Variants in NFKB1 observed in about 807,000 individuals in gnomAD.
The protein encoded by NFKB1 is nuclear factor NF-kappa-B p105 subunit.
NFKB1 carries 9 observed loss-of-function variants against 105.1 expected under a neutral mutation model. That is an observed-to-expected ratio of 0.09 (90% CI 0.05 to 0.15). The LOEUF (loss-of-function observed/expected upper bound fraction) is 0.15, where lower values mean the gene tolerates loss of function less well. Among genes scored for constraint, NFKB1 ranks in the 10% least tolerant of loss-of-function variants. NFKB1 has a pLI of 1.00. For synonymous variants in NFKB1, 440 were observed against 442.2 expected (o/e 1.00, Z 0.06); for missense variants, 830 against 1,203.7 (o/e 0.69, Z 4.59).
Position 102,612,459 on chromosome 4 carries a change from T to C in NFKB1, c.2445T>C (p.Asp815=). The C allele has an allele frequency of 6.2e-7, 1 of 1,613,430 alleles. No homozygotes were observed. The change falls in exon 22 of 24, where the codon GAT becomes GAC. Residue 815 remains aspartate, a synonymous_variant. Coordinates refer to ENST00000226574, the MANE Select transcript of NFKB1 (RefSeq NM_003998.4). ...AQGDMKQLAE[D]VKLQLYKLLE... is the part of the protein sequence containing the mutation. ...GAGACATGAAACAGCTGGCTGAAGA[T>C]GTGAAGCTGCAGCTGTATAAGTTAC...
chr4:102,583,037 T>C (rs1725437034), intron 10 of NFKB1, 80 bp downstream of exon 10: 1 of 935,968 alleles, frequency 1.1e-6, no homozygotes, highest in Non-Finnish European at 1.6e-6. Context: ...TGCAGTGCAG[T>C]GGTACAATCA....
chr4:102,615,519 C>T (rs761233987), intron 23 of NFKB1, among the ~76,000 whole-genome samples: 2 of 152,122 alleles, frequency 1.3e-5, no homozygotes, highest in Admixed American at 6.5e-5. Context: ...ATGTATCCGC[C>T]GGAAAACAAC....
chr4:102,526,026 C>T (rs1033279635), intron 2 of NFKB1, among the ~76,000 whole-genome samples: 2 of 152,256 alleles, frequency 1.3e-5, no homozygotes, highest in South Asian at 4.1e-4. Flanking sequence ...CAATCTCTTC[C>T]TCCATTGTCA....
chr4:102,573,664 C>T (rs1427281298), intron 6 of NFKB1, among the ~76,000 whole-genome samples: 1 of 152,084 alleles, frequency 6.6e-6, no homozygotes, highest in Non-Finnish European at 1.5e-5. Flanking sequence ...TCTGGAACCC[C>T]AGTTGCACAT....
intron 11 of NFKB1, 88 bp from the exon 12 acceptor site, chr4:102,593,337 A>G: frequency 1.6e-6 from 2 of 1,216,732 alleles, no homozygotes; most frequent in Non-Finnish European, 2.3e-6. Flanking sequence ...GATGTTTAAA[A>G]ATACCATTAG....
At chr4:102,535,787 A>C (rs1307462157) in intron 4 of NFKB1, among the ~76,000 whole-genome samples, 1 of 151,954 alleles carries the variant, frequency 6.6e-6, no homozygotes, top group African/African-American at 2.4e-5. Context: ...ATTTGACACC[A>C]CTCCCAATAA....
At chr4:102,616,123 G>C (rs1174113117) in intron 23 of NFKB1, among the ~76,000 whole-genome samples, 1 of 152,156 alleles carries the variant, frequency 6.6e-6, no homozygotes, top group Non-Finnish European at 1.5e-5. Flanking sequence ...AACTACACTT[G>C]ATTTCTAAGG....
At position 102,597,573 on chromosome 4, in the gene NFKB1, C is replaced by G; in HGVS notation, c.1549C>G (p.Leu517Val). 6.2e-7 allele frequency: 1 copy of G among 1,613,750 alleles called. No homozygotes were observed. The highest frequency in any genetic ancestry group is 1.3e-5 in the African/African-American group (1 of 75,050). ...GCTTGCAAAGAGGCATGCCAATGCC[C>G]TTTTCGACTACGCGGTGACAGGAGA... ...MQLAKRHANA[L>V]FDYAVTGDVK... Residue 517 changes from leucine (L) to valine (V), a missense_variant, in exon 15 of 24, where the codon CTT becomes GTT. This residue lies in a region of NFKB1 where 418 missense variants were observed against 575.3 expected (regional missense o/e 0.73). Transcript: ENST00000226574.
intron 5 of NFKB1, among the ~76,000 whole-genome samples, chr4:102,545,522 AG>A (rs1486364183): frequency 8.5e-5 from 13 of 152,124 alleles, no homozygotes; most frequent in African/African-American, 3.1e-4. Flanking sequence ...TGGGTCTCAC[AG>A]GCTTTTAGAG....
rs780973376 is a variant in NFKB1, at chr4:102,506,708, CT to C, written c.-8+4921del. Among the ~76,000 whole-genome samples the C allele has an allele frequency of 3.9e-5, 6 of 152,208 alleles. No individual in the cohort carries two copies. In the East Asian group the frequency reaches 5.8e-4, roughly 15 times the overall value. On this transcript the variant is annotated intron_variant, in intron 1 of 23. Transcript: ENST00000226574. ...CCCTGTCCTAGTGTCATTGTGCCCC[CT>C]GGGAACCCTAATGCAGTCCTGTGGG... is the stretch of plus-strand genomic sequence containing the variant.
At chr4:102,564,120 C>G (rs1263108125) in intron 5 of NFKB1, among the ~76,000 whole-genome samples, 2 of 151,716 alleles carry the variant, frequency 1.3e-5, no homozygotes, top group Non-Finnish European at 2.9e-5. Context: ...ACGCCCGGCC[C>G]GAAAGCTTAA....
intron 5 of NFKB1, among the ~76,000 whole-genome samples, chr4:102,566,290 C>T (rs934435107): frequency 3.3e-4 from 50 of 152,058 alleles, no homozygotes; most frequent in African/African-American, 1.1e-3. Context: ...TATCAAGCAA[C>T]AGCAAACAGG....
intron 1 of NFKB1, among the ~76,000 whole-genome samples, chr4:102,522,897 AC>A (rs1740659626): frequency 1.3e-5 from 2 of 152,188 alleles, no homozygotes; most frequent in Admixed American, 6.5e-5. Context: ...TAATGTTTTT[AC>A]TAGTATTCTT....
At chr4:102,528,494 C>T (rs1741071536) in intron 2 of NFKB1, among the ~76,000 whole-genome samples, 1 of 152,064 alleles carries the variant, frequency 6.6e-6, no homozygotes, top group South Asian at 2.1e-4. Flanking sequence ...CGAAGATCTT[C>T]AGTACCCCAG....
intron 5 of NFKB1, among the ~76,000 whole-genome samples, chr4:102,549,275 A>C (rs1435103290): frequency 6.6e-6 from 1 of 151,674 alleles, no homozygotes; most frequent in Non-Finnish European, 1.5e-5. Flanking sequence ...ACTGAGGCTT[A>C]ATGAGTAACT....
rs1370387176 is a variant in NFKB1 at position 102,600,962 on chromosome 4, G to C, written c.1705G>C (p.Gly569Arg). 3 of 1,612,738 alleles carry C rather than the reference G, an allele frequency of 1.9e-6. No homozygotes were observed. In the South Asian group the frequency reaches 3.3e-5, roughly 18 times the overall value. The change falls in exon 16 of 24, where the codon GGT becomes CGT. Residue 569 changes from glycine (G) to arginine (R), a missense_variant. By Grantham distance (125) the Gly-to-Arg change is moderately radical. Around this residue, in one of 8 missense-constraint regions of NFKB1, gnomAD observed 418 missense variants for 575.3 expected, o/e 0.73. Coordinates refer to ENST00000226574, the MANE Select transcript of NFKB1 (RefSeq NM_003998.4). ...LVRDLLEVTSGLISDDIINMR... is the reference protein window; with the variant it reads ...LVRDLLEVTSRLISDDIINMR... ...GAGGGATCTACTAGAAGTCACATCT[G>C]GTTTGATTTCTGATGACATTATCAA...
At position 102,576,999 on chromosome 4, in the gene NFKB1, C is replaced by T; in HGVS notation, c.531C>T (p.Ala177=). The part of the protein sequence containing the change: ...NPGLLVHPDL[A]YLQAEGGGDR... ...GACTCTTGGTGCACCCTGACCTTGC[C>T]TATTTGCAAGCAGAAGGTGGAGGGG... Residue 177 remains alanine (A), a synonymous_variant, in exon 7 of 24, where the codon GCC becomes GCT. Coordinates refer to ENST00000226574, the MANE Select transcript of NFKB1 (RefSeq NM_003998.4). 6.2e-7 allele frequency: 1 copy of T among 1,613,124 alleles called. No homozygotes were observed.
chr4:102,577,730 C>T (rs1328879523), intron 7 of NFKB1: 12 of 708,950 alleles, frequency 1.7e-5, no homozygotes, highest in Non-Finnish European at 2.1e-5. Context: ...AGACTCAAAA[C>T]CTTCCCATCC....
At position 102,613,544 on chromosome 4, in the gene NFKB1, G is replaced by A. The variant is rs4648119; in HGVS notation, c.2712G>A (p.Ser904=). The A allele has an allele frequency of 1.0e-3, 1,670 of 1,613,400 alleles. 2 individuals carry two copies. Among genetic ancestry groups the A allele is most frequent in the Non-Finnish European group, 1.3e-3 (1,569 of 1,179,822 alleles). ...SPVKTTSQAH[S]LPLSPASTRQ... is the part of the protein sequence containing the mutation. ...TGAAGACCACCTCTCAGGCCCACTC[G>A]CTGCCTCTCTCGCCTGCCTCCACAA... The change falls in exon 23 of 24, where the codon TCG becomes TCA. Residue 904 remains serine (S), a synonymous_variant. Coordinates refer to ENST00000226574, the MANE Select transcript of NFKB1 (RefSeq NM_003998.4).
Sources: allele counts gnomAD v4.1 joint callset (sites outside exome capture counted in the v4.1 genomes callset), GRCh38; gene constraint gnomAD v4.1.1; regional missense constraint gnomAD v4.1.1; transcripts MANE v1.5; gene names NCBI Gene and HGNC (gene_info 2026-07-23, HGNC 2026-07-21).